The following VGLL3 variants were observed in gnomAD, a reference collection of about 807,000 sequenced individuals.
The protein encoded by VGLL3 is vestigial like family member 3.
A neutral mutation model predicts 29.2 loss-of-function variants in VGLL3; 18 were observed. The observed-to-expected ratio is 0.62, with a 90% CI of 0.43 to 0.91. The LOEUF is 0.91. Among genes scored for constraint, VGLL3 ranks in the 40% least tolerant of loss-of-function variants. VGLL3 has a pLI of 0.00. For synonymous variants in VGLL3, 180 were observed against 151.8 expected (o/e 1.19, Z -1.36); for missense variants, 440 against 413.2 (o/e 1.06, Z -0.56).
intron 1 of VGLL3, among the ~76,000 whole-genome samples, chr3:86,988,180 T>C (rs188269096): frequency 6.6e-6 from 1 of 152,282 alleles, no homozygotes; most frequent in East Asian, 1.9e-4. Context: ...TCTAGCATTT[T>C]TTAAATGGCT....
At chr3:86,950,518 T>A (rs1575859630) in intron 3 of VGLL3, among the ~76,000 whole-genome samples, 1 of 152,212 alleles carries the variant, frequency 6.6e-6, no homozygotes, top group South Asian at 2.1e-4. Context: ...ATACTGGCTG[T>A]AGCCTAAGTC....
intron 2 of VGLL3, among the ~76,000 whole-genome samples, chr3:86,978,307 G>A (rs1336311693): frequency 6.6e-6 from 1 of 152,178 alleles, no homozygotes; most frequent in Non-Finnish European, 1.5e-5. Flanking sequence ...TACTTTCCAT[G>A]AGGAATTTAA....
At chr3:86,952,501 C>T (rs1458421862) in intron 3 of VGLL3, among the ~76,000 whole-genome samples, 1 of 151,942 alleles carries the variant, frequency 6.6e-6, no homozygotes, top group Non-Finnish European at 1.5e-5. Flanking sequence ...GGGAAACATG[C>T]TGTTGATTAA....
chr3:86,988,990 CATT>C (rs1181744223), intron 1 of VGLL3, among the ~76,000 whole-genome samples: 1 of 151,986 alleles, frequency 6.6e-6, no homozygotes, highest in African/African-American at 2.4e-5. Context: ...CTATTGCAAA[CATT>C]ATATAAAGTA....
At position 86,946,073 on chromosome 3, in the gene VGLL3, G is replaced by A. The variant is rs897229654; in HGVS notation, c.*951C>T. The A allele has an allele frequency of 6.6e-6, 1 of 152,042 alleles. No individual in the cohort carries two copies. Among genetic ancestry groups the A allele is most frequent in the Non-Finnish European group, 1.5e-5 (1 of 67,988 alleles). The allele number at this position is 152,042 out of a possible 1,614,324, so 9.4% of individuals were successfully genotyped here. On this transcript the variant is annotated 3_prime_UTR_variant, in exon 4 of 4. Coordinates refer to ENST00000398399, the MANE Select transcript of VGLL3 (RefSeq NM_016206.4). The stretch of plus-strand genomic sequence containing the variant: ...AAATAAGTCACTGGCACTCATAGGT[G>A]GCATGGTTAAATGCATTTTTTTCCT...
chr3:86,989,850 A>G (rs1007549138), intron 1 of VGLL3, among the ~76,000 whole-genome samples: 2 of 152,106 alleles, frequency 1.3e-5, no homozygotes, highest in Admixed American at 1.3e-4. Flanking sequence ...CCAGAACTCT[A>G]CTGTTCCTTC....
rs143440980 is a variant in VGLL3, at chr3:86,939,961, T to C, written c.*7063A>G. The stretch of plus-strand genomic sequence containing the variant: ...CTGACAGAGCTGTAAGATAATAAAT[T>C]TGTGTTGTTTTAGGCCGTTATCGTT... On this transcript the variant is annotated 3_prime_UTR_variant, in exon 4 of 4. Coordinates refer to ENST00000398399, the MANE Select transcript of VGLL3 (RefSeq NM_016206.4). 1 of 152,232 alleles carries C rather than the reference T, an allele frequency of 6.6e-6. No homozygotes were observed. Among genetic ancestry groups the C allele is most frequent in the African/African-American group, 2.4e-5 (1 of 41,550 alleles). The allele number at this position is 152,232 out of a possible 1,614,324, so 9.4% of individuals were successfully genotyped here.
chr3:86,972,370 C>T (rs1031950195), intron 2 of VGLL3, among the ~76,000 whole-genome samples: 1 of 152,060 alleles, frequency 6.6e-6, no homozygotes, highest in Non-Finnish European at 1.5e-5. Context: ...TTGCAAAGAT[C>T]TATGCAGCCC....
chr3:86,953,445 T>G (rs537324592), intron 3 of VGLL3, among the ~76,000 whole-genome samples: 2 of 152,226 alleles, frequency 1.3e-5, no homozygotes, highest in South Asian at 4.1e-4. Flanking sequence ...TGTACAAAGT[T>G]GCTGTTACTT....
rs1330991697 is a variant in VGLL3 at position 86,968,936 on chromosome 3, T to C, written c.591A>G (p.Pro197=). Residue 197 remains proline, a synonymous_variant, in exon 3 of 4, where the codon CCA becomes CCG. Transcript: ENST00000398399. The part of the protein sequence containing the change: ...WPGHNLHQTG[P]APPPAVSESW... The stretch of plus-strand genomic sequence containing the variant: ...ACTCAGACACAGCAGGGGGAGGGGC[T>C]GGGCCAGTCTGATGCAGGTTGTGTC... 2.5e-6 allele frequency: 4 copies of C among 1,613,958 alleles called. No individual in the cohort carries two copies. The Admixed American group carries it at 6.7e-5, about 27-fold the overall frequency.
At chr3:86,978,437 C>T in intron 2 of VGLL3, 89 bp downstream of exon 2, 1 of 1,437,052 alleles carries the variant, frequency 7.0e-7, no homozygotes, top group Non-Finnish European at 9.4e-7. Flanking sequence ...GATATCCATC[C>T]TCAGGGGCAA....
intron 3 of VGLL3, chr3:86,961,975 T>G: frequency 1.0e-6 from 1 of 982,340 alleles, no homozygotes; most frequent in African/African-American, 1.7e-5. Flanking sequence ...CTGTGATCTC[T>G]AAGAGGTATA....
In VGLL3 at chr3:86,968,856, T is replaced by C. The variant is rs750302790; in HGVS notation, c.671A>G (p.Asp224Gly). The change falls in exon 3 of 4, where the codon GAC becomes GGC. Residue 224 changes from aspartate to glycine, a missense_variant. By Grantham distance (94) the Asp-to-Gly change is moderately conservative. Transcript: ENST00000398399. ...QVSPSYSHMH[D>G]VYMRHHHPHA... ...AGGGTGGTGGTGCCGCATGTACACG[T>C]CATGCATATGGCTGTAGGATGGGCT... 3.7e-6 allele frequency: 6 copies of C among 1,614,046 alleles called. No individual in the cohort carries two copies. The highest frequency in any genetic ancestry group is 4.2e-6 in the Non-Finnish European group (5 of 1,180,012).
intron 2 of VGLL3, among the ~76,000 whole-genome samples, chr3:86,978,149 G>A (rs1705247484): frequency 6.6e-6 from 1 of 152,150 alleles, no homozygotes; most frequent in African/African-American, 2.4e-5. Flanking sequence ...TCACCACATA[G>A]CACCTATTGG....
chr3:86,953,736 G>T (rs1704660499), intron 3 of VGLL3, among the ~76,000 whole-genome samples: 1 of 151,932 alleles, frequency 6.6e-6, no homozygotes. Flanking sequence ...ACATGTTTAT[G>T]CTTTTTAAAA....
At chr3:86,988,443 T>C (rs1222420696) in intron 1 of VGLL3, among the ~76,000 whole-genome samples, 1 of 151,116 alleles carries the variant, frequency 6.6e-6, no homozygotes, top group African/African-American at 2.4e-5. Context: ...TCAATATTAG[T>C]CCCACTTCAC....
intron 2 of VGLL3, among the ~76,000 whole-genome samples, chr3:86,975,315 T>A (rs571873043): frequency 3.5e-4 from 54 of 152,336 alleles, no homozygotes; most frequent in African/African-American, 1.2e-3. Flanking sequence ...AGACATTTTC[T>A]ATATTTTTAA....
intron 3 of VGLL3, among the ~76,000 whole-genome samples, chr3:86,952,027 G>T (rs1006845672): frequency 2.0e-5 from 3 of 152,104 alleles, no homozygotes; most frequent in Non-Finnish European, 4.4e-5. Flanking sequence ...AGCAGTCCAG[G>T]ATAAGAATGA....
chr3:86,975,593 G>A (rs1041100818), intron 2 of VGLL3, among the ~76,000 whole-genome samples: 2 of 151,836 alleles, frequency 1.3e-5, no homozygotes, highest in Non-Finnish European at 2.9e-5. Flanking sequence ...TTCTAATTCC[G>A]GATACATGGT....
Sources: gnomAD v4.1 joint callset for allele counts (sites outside exome capture counted in the v4.1 genomes callset) on GRCh38, gnomAD v4.1.1 for gene constraint, MANE v1.5 for transcripts, NCBI Gene and HGNC (gene_info 2026-07-23, HGNC 2026-07-21) for gene names.